The following RIMS2 variants were observed in gnomAD, a reference collection of about 807,000 sequenced individuals.
The protein encoded by RIMS2 is regulating synaptic membrane exocytosis 2.
Under a neutral mutation model 174.4 loss-of-function variants are expected in RIMS2, and 59 were observed. The ratio of observed to expected loss-of-function variants is 0.34; its 90% CI spans 0.27 to 0.42. The LOEUF is 0.42. Ranked by LOEUF, RIMS2 falls within the 10% of genes least tolerant of loss-of-function variation. RIMS2 has a pLI of 1.00. For missense variants in RIMS2, 1,620 were observed against 1,666.3 expected, an observed-to-expected ratio of 0.97 and a Z score of 0.48; for synonymous variants, 606 against 572.5, an observed-to-expected ratio of 1.06 and a Z score of -0.84.
chr8:104,094,364 C>T (rs2097716656), intron 19 of RIMS2: 3 of 551,072 alleles, frequency 5.4e-6, no homozygotes, highest in Non-Finnish European at 9.6e-6. Context: ...ATAATTTTTA[C>T]TTATGTTTTG....
intron 3 of RIMS2, among the ~76,000 whole-genome samples, chr8:103,870,138 T>G: frequency 1.2e-5 from 1 of 85,612 alleles, no homozygotes; most frequent in Non-Finnish European, 2.8e-5. Context: ...GACAGCTGTT[T>G]TTTTTTTTTT....
intron 3 of RIMS2, among the ~76,000 whole-genome samples, chr8:103,881,258 A>G (rs1024690644): frequency 6.6e-6 from 1 of 151,602 alleles, no homozygotes; most frequent in African/African-American, 2.4e-5. Context: ...TAAAATATGT[A>G]AATATTACAG....
chr8:103,938,915 C>T lies in RIMS2; in HGVS notation c.2547+2193C>T, dbSNP rs373394615. On this transcript the variant is annotated intron_variant, in intron 13 of 23. Coordinates refer to ENST00000504942, the Ensembl canonical transcript of RIMS2. ...GACTCCATGTCTCACATCCAGGTCA[C>T]GCTGATGCAAGAGGTGGGTTCCCAT... 3.4e-3 allele frequency among the ~76,000 whole-genome samples: 520 copies of T among 152,328 alleles called. 2 individuals carry two copies. Among genetic ancestry groups the T allele is most frequent in the African/African-American group, 0.012 (479 of 41,568 alleles).
chr8:103,874,060 G>A (rs1315083616), intron 3 of RIMS2, among the ~76,000 whole-genome samples: 2 of 152,024 alleles, frequency 1.3e-5, no homozygotes, highest in African/African-American at 2.4e-5. Context: ...CCTGTAAAGC[G>A]ACCTAGAACC....
chr8:103,759,564 C>CA (rs35946104), intron 2 of RIMS2, among the ~76,000 whole-genome samples: 4,848 of 69,664 alleles, frequency 0.07, 306 homozygotes, highest in African/African-American at 0.15. Context: ...GACTCCGTCT[C>CA]AAAAAAAAAA....
chr8:104,057,162 G>A (rs1179448837), intron 19 of RIMS2, among the ~76,000 whole-genome samples: 1 of 150,632 alleles, frequency 6.6e-6, no homozygotes, highest in Non-Finnish European at 1.5e-5. Context: ...AACCTCTTGA[G>A]CTCAAGCAAT....
At chr8:103,994,221 G>A (rs1317147292) in intron 17 of RIMS2, among the ~76,000 whole-genome samples, 1 of 152,002 alleles carries the variant, frequency 6.6e-6, no homozygotes, top group Admixed American at 6.6e-5. Context: ...TCATATAGTG[G>A]AAGGACAATT....
intron 1 of RIMS2, among the ~76,000 whole-genome samples, chr8:103,537,799 T>G (rs967914385): frequency 6.6e-6 from 1 of 152,162 alleles, no homozygotes; most frequent in Non-Finnish European, 1.5e-5. Context: ...TTTGCTTTAA[T>G]CTTTCCAACT....
chr8:104,168,240 T>C (rs947857697), intron 19 of RIMS2, among the ~76,000 whole-genome samples: 1 of 152,162 alleles, frequency 6.6e-6, no homozygotes. Context: ...ATTAAATCTG[T>C]AGATTGCTTT....
intron 19 of RIMS2, among the ~76,000 whole-genome samples, chr8:104,033,826 G>T (rs1597453009): frequency 6.6e-6 from 1 of 152,170 alleles, no homozygotes; most frequent in African/African-American, 2.4e-5. Context: ...TCAAAACTTT[G>T]GAGTGATAAA....
intron 1 of RIMS2, among the ~76,000 whole-genome samples, chr8:103,524,676 G>A (rs1833152630): frequency 6.6e-6 from 1 of 152,206 alleles, no homozygotes; most frequent in Non-Finnish European, 1.5e-5. Flanking sequence ...GATGCTATGA[G>A]CCTGCACTTC....
chr8:104,206,312 T>C (rs1378813798), intron 19 of RIMS2, among the ~76,000 whole-genome samples: 1 of 152,200 alleles, frequency 6.6e-6, no homozygotes, highest in South Asian at 2.1e-4. Context: ...TTATAGTTAA[T>C]ATAAATTCGT....
intron 1 of RIMS2, among the ~76,000 whole-genome samples, chr8:103,629,783 A>G (rs1015582482): frequency 3.3e-5 from 5 of 152,114 alleles, no homozygotes. Context: ...AGATGAGCTC[A>G]ATAGCAGGAC....
intron 19 of RIMS2, chr8:104,223,560 C>A: frequency 6.9e-7 from 1 of 1,443,714 alleles, no homozygotes; most frequent in Non-Finnish European, 9.1e-7. Context: ...TGGCTTCTGG[C>A]CCACTGGTCC....
chr8:103,634,853 T>C (rs2096034740), intron 1 of RIMS2, among the ~76,000 whole-genome samples: 1 of 152,192 alleles, frequency 6.6e-6, no homozygotes, highest in Non-Finnish European at 1.5e-5. Context: ...GCTTTTTTTT[T>C]CTGTTTTTCA....
In RIMS2 at chr8:103,584,726, A is replaced by G. The variant is rs186164057; in HGVS notation, c.176+83664A>G. ...ATGGTGACTTCAATTCAAAACACAT[A>G]CAATGCATACACAAAAAATAAAAAG... On this transcript the variant is annotated intron_variant, in intron 1 of 23. Coordinates refer to ENST00000504942, the Ensembl canonical transcript of RIMS2. Among the ~76,000 whole-genome samples, 428 of 152,326 alleles carry G rather than the reference A, an allele frequency of 2.8e-3. 5 individuals carry two copies. The highest frequency in any genetic ancestry group is 0.01 in the African/African-American group (417 of 41,578).
rs143897440 is a variant in RIMS2 at position 103,739,651 on chromosome 8, A to G, written c.388-26576A>G. ...TGATTTTTTTCTCTGTTTACTTTACATTAGCTTTCTAACTTTTGATCCAGT... is the reference window on the plus strand; with the variant it reads ...TGATTTTTTTCTCTGTTTACTTTACGTTAGCTTTCTAACTTTTGATCCAGT... On this transcript the variant is annotated intron_variant, in intron 2 of 23. Transcript: ENST00000504942. 3.9e-5 allele frequency among the ~76,000 whole-genome samples: 6 copies of G among 152,338 alleles called. No homozygotes were observed. In the East Asian group the frequency reaches 1.2e-3, roughly 29 times the overall value.
chr8:103,768,844 T>C, intron 3 of RIMS2: 1 of 593,554 alleles, frequency 1.7e-6, no homozygotes, highest in South Asian at 1.7e-5. Flanking sequence ...GCAGCACAAA[T>C]GGTGCCATAT....
chr8:104,003,046 C>T (rs906583721), intron 17 of RIMS2, among the ~76,000 whole-genome samples: 2 of 152,048 alleles, frequency 1.3e-5, no homozygotes, highest in African/African-American at 4.8e-5. Flanking sequence ...AAAATATACC[C>T]TTTATTTTAA....
Sources: gnomAD v4.1 joint callset for allele counts (sites outside exome capture counted in the v4.1 genomes callset) on GRCh38, gnomAD v4.1.1 for gene constraint, MANE v1.5 for transcripts, NCBI Gene and HGNC (gene_info 2026-07-23, HGNC 2026-07-21) for gene names.